MAN2B1: variants seen among roughly 807,000 people sequenced by gnomAD.
MAN2B1 encodes lysosomal alpha-mannosidase.
A neutral mutation model predicts 127.5 loss-of-function variants in MAN2B1; 99 were observed. That is an observed-to-expected ratio of 0.78 (90% CI 0.66 to 0.92). The LOEUF is 0.92. Among genes scored for constraint, MAN2B1 ranks in the 40% least tolerant of loss-of-function variants. MAN2B1 has a pLI of 0.00. For missense variants in MAN2B1, 1,304 were observed against 1,384.8 expected (o/e 0.94, Z 0.93); for synonymous variants, 573 against 568.8 (o/e 1.01, Z -0.11).
rs1329607881 is a variant in MAN2B1 at position 12,665,764 on chromosome 19, C to T, written c.201G>A (p.Leu67=). ...TVQPNMLNVH[L]LPHTHDDVGW... Reference sequence around the variant, plus strand: ...CCACGTCATCATGTGTGTGAGGCAGCAGGTGCACGTTCAGCATGTTCGGCT... The same window carrying T: ...CCACGTCATCATGTGTGTGAGGCAGTAGGTGCACGTTCAGCATGTTCGGCT... Residue 67 remains leucine (L), a synonymous_variant, in exon 2 of 24, where the codon CTG becomes CTA. Transcript: ENST00000456935. 2 of 1,614,016 alleles carry T rather than the reference C, an allele frequency of 1.2e-6. No homozygotes were observed. Among genetic ancestry groups the T allele is most frequent in the Non-Finnish European group, 1.7e-6 (2 of 1,180,046 alleles).
In MAN2B1 at chr19:12,647,139, G is replaced by T. The variant is rs2023706520; in HGVS notation, c.2923+94C>A. On this transcript the variant is annotated intron_variant, in intron 23 of 23. Coordinates refer to ENST00000456935, the MANE Select transcript of MAN2B1 (RefSeq NM_000528.4). The surrounding 1 kb of genome is among the most constrained non-coding windows in gnomAD (Gnocchi z 4.9). ...GCCCCATACCCTCATGACCTTTTTGGGTCCTGGCCAACATCCCATGCCTCA... is the reference window on the plus strand; with the variant it reads ...GCCCCATACCCTCATGACCTTTTTGTGTCCTGGCCAACATCCCATGCCTCA... The T allele has an allele frequency of 8.3e-7, 1 of 1,208,326 alleles. No individual in the cohort carries two copies. The highest frequency in any genetic ancestry group is 1.2e-6 in the Non-Finnish European group (1 of 814,860). 74.9% of individuals were successfully genotyped at this position (1,208,326 alleles called of 1,614,324 possible).
At chr19:12,665,216 A>C in intron 3 of MAN2B1, 136 bp downstream of exon 3, 1 of 1,198,792 alleles carries the variant, frequency 8.3e-7, no homozygotes, top group African/African-American at 1.5e-5. Flanking sequence ...GAGGTCTCCA[A>C]ATGGAGAGTC....
intron 20 of MAN2B1, among the ~76,000 whole-genome samples, chr19:12,648,749 C>CT (rs1353877805): frequency 1.3e-5 from 2 of 150,904 alleles, no homozygotes; most frequent in African/African-American, 5.0e-5. Flanking sequence ...AATCCCAGCA[C>CT]TTTGGGAGGC....
rs2023960289 is a variant in MAN2B1 at position 12,656,458 on chromosome 19, G to C, written c.1644+113C>G. Reference sequence around the variant, plus strand: ...GGAGAAGATACAAGAGGGGGGAAGAGATATGCATGAGTGGGAGGTATTCAT... The same window carrying C: ...GGAGAAGATACAAGAGGGGGGAAGACATATGCATGAGTGGGAGGTATTCAT... On this transcript the variant is annotated intron_variant, in intron 13 of 23. Coordinates refer to ENST00000456935, the MANE Select transcript of MAN2B1 (RefSeq NM_000528.4). 4 of 756,762 alleles carry C rather than the reference G, an allele frequency of 5.3e-6. No individual in the cohort carries two copies. In the South Asian group the frequency reaches 6.0e-5, roughly 11 times the overall value. 46.9% of individuals were successfully genotyped at this position (756,762 alleles called of 1,614,324 possible).
chr19:12,649,389 C>A lies in MAN2B1; in HGVS notation c.2307G>T (p.Glu769Asp). The stretch of plus-strand genomic sequence containing the variant: ...CTGGATAGTAGTTTCCTGCCACGGG[C>A]TCCGTCTGGTTCAGTTTCCAGGTGG... ...YRPTWKLNQT[E>D]PVAGNYYPVN... Residue 769 changes from glutamate to aspartate, a missense_variant, in exon 19 of 24, where the codon GAG becomes GAT. By Grantham distance (45) the Glu-to-Asp change is conservative. Coordinates refer to ENST00000456935, the MANE Select transcript of MAN2B1 (RefSeq NM_000528.4). 1 of 1,612,344 alleles carries A rather than the reference C, an allele frequency of 6.2e-7. No homozygotes were observed. Among genetic ancestry groups the A allele is most frequent in the Non-Finnish European group, 8.5e-7 (1 of 1,179,456 alleles).
chr19:12,663,236 G>C, intron 6 of MAN2B1, 81 bp downstream of exon 6: 1 of 1,523,620 alleles, frequency 6.6e-7, no homozygotes, highest in Non-Finnish European at 9.1e-7. Context: ...TAAGGAGAAC[G>C]TGTTAGGGGA....
At chr19:12,664,681 A>T in intron 4 of MAN2B1, 111 bp downstream of exon 4, 2 of 1,173,242 alleles carry the variant, frequency 1.7e-6, no homozygotes, top group South Asian at 1.3e-5. Flanking sequence ...CAACAGGCCT[A>T]GGCCTGGGCC....
rs1434923922 is a variant in MAN2B1, at chr19:12,647,584, G to T, written c.2679C>A (p.Arg893=). The part of the protein sequence containing the change: ...APPRTQFSGL[R]RDLPPSVHLL... ...GGTGCACCGAGGGCGGCAGGTCCCT[G>T]CGCAGCCCTGAGAACTGCGGGAGAG... Residue 893 remains arginine (R), a synonymous_variant, in exon 22 of 24, where the codon CGC becomes CGA. Coordinates refer to ENST00000456935, the MANE Select transcript of MAN2B1 (RefSeq NM_000528.4). The surrounding 1 kb of genome is among the most constrained non-coding windows in gnomAD (Gnocchi z 4.9). 3.7e-6 allele frequency: 6 copies of T among 1,613,636 alleles called. No homozygotes were observed. The highest frequency in any genetic ancestry group is 1.7e-4 in the Middle Eastern group (1 of 6,044).
rs778745390 is a variant in MAN2B1 at position 12,650,204 on chromosome 19, C to T, written c.2065G>A (p.Val689Met). The T allele has an allele frequency of 6.8e-6, 11 of 1,610,744 alleles. No individual in the cohort carries two copies. The Admixed American group carries it at 1.3e-4, about 20-fold the overall frequency. ...HLVKTPLVQE[V>M]HQNFSAWCSQ... ...CACCAAGCTGAGAAGTTCTGGTGCA[C>T]CTCCTGCACCAAGGGTGTCTGCGGG... is the stretch of plus-strand genomic sequence containing the variant. The change falls in exon 17 of 24, where the codon GTG (valine) becomes ATG (methionine). Residue 689 changes from valine (V) to methionine (M), a missense_variant. By Grantham distance (21) the Val-to-Met change is conservative. Transcript: ENST00000456935.
rs564971437 is a variant in MAN2B1 at position 12,661,178 on chromosome 19, A to C, written c.1026+82T>G. On this transcript the variant is annotated intron_variant, in intron 7 of 23. Coordinates refer to ENST00000456935, the MANE Select transcript of MAN2B1 (RefSeq NM_000528.4). ...TAGAACAATAGAAAACAAAGACAGCACTGAGAGCTATGCACATAACCCAAG... is the reference window on the plus strand; with the variant it reads ...TAGAACAATAGAAAACAAAGACAGCCCTGAGAGCTATGCACATAACCCAAG... 22 of 905,870 alleles carry C rather than the reference A, an allele frequency of 2.4e-5. No individual in the cohort carries two copies. In the Middle Eastern group the frequency reaches 9.3e-4, roughly 38 times the overall value. 56.1% of individuals were successfully genotyped at this position (905,870 alleles called of 1,614,324 possible).
chr19:12,665,708 T>C lies in MAN2B1; in HGVS notation c.257A>G (p.Tyr86Cys). The C allele has an allele frequency of 6.2e-7, 1 of 1,613,902 alleles. No individual in the cohort carries two copies. The highest frequency in any genetic ancestry group is 8.5e-7 in the Non-Finnish European group (1 of 1,179,824). The change falls in exon 2 of 24, where the codon TAT becomes TGT. Residue 86 changes from tyrosine to cysteine, a missense_variant. Tyr to Cys is a radical substitution (Grantham distance 194). Coordinates refer to ENST00000456935, the MANE Select transcript of MAN2B1 (RefSeq NM_000528.4). The stretch of plus-strand genomic sequence containing the variant: ...AGTCCCCATCCTCTACTCACTTCCA[T>C]AAAAGTACTGGTCCACGGTTTTGAG... ...GWLKTVDQYF[Y>C]GIKNDIQHAG...
Position 12,652,382 on chromosome 19 carries a change from C to G in MAN2B1, c.1909G>C (p.Val637Leu). Residue 637 changes from valine to leucine, a missense_variant, in exon 15 of 24, where the codon GTT becomes CTT. By Grantham distance (32) the Val-to-Leu change is conservative. Transcript: ENST00000456935. ...CCTTACCAGAAGAAGGTCTGGCGAACAGGCAGCAGGAGTTGCTGATTCATG... is the reference window on the plus strand; with the variant it reads ...CCTTACCAGAAGAAGGTCTGGCGAAGAGGCAGCAGGAGTTGCTGATTCATG... The part of the protein sequence containing the change: ...MNMNQQLLLP[V>L]RQTFFWYNAS... The G allele has an allele frequency of 6.2e-7, 1 of 1,614,070 alleles. No homozygotes were observed. Among genetic ancestry groups the G allele is most frequent in the Non-Finnish European group, 8.5e-7 (1 of 1,179,982 alleles).
intron 7 of MAN2B1, among the ~76,000 whole-genome samples, chr19:12,659,170 T>C (rs1179745296): frequency 6.6e-6 from 1 of 151,996 alleles, no homozygotes; most frequent in Non-Finnish European, 1.5e-5. Flanking sequence ...ACACAATTTT[T>C]ATAATGAATG....
At chr19:12,666,493 C>A in intron 1 of MAN2B1, 50 bp downstream of exon 1, 2 of 1,552,946 alleles carry the variant, frequency 1.3e-6, no homozygotes, top group Non-Finnish European at 1.7e-6. Flanking sequence ...AGACTGTATT[C>A]TGGGTTTCAC....
At chr19:12,650,042 G>A (rs763526229) in intron 17 of MAN2B1, 28 bp from the exon 18 acceptor site, 5 of 1,611,114 alleles carry the variant, frequency 3.1e-6, no homozygotes, top group South Asian at 2.2e-5. Context: ...GCAAGGTTGT[G>A]AGCCTTGGAT....
At chr19:12,654,941 C>T (rs1467521532) in intron 14 of MAN2B1, among the ~76,000 whole-genome samples, 1 of 152,174 alleles carries the variant, frequency 6.6e-6, no homozygotes, top group African/African-American at 2.4e-5. Context: ...GCTAGAATTA[C>T]AGGTATAATC....
intron 20 of MAN2B1, 90 bp downstream of exon 20, chr19:12,649,046 G>T: frequency 9.2e-7 from 1 of 1,089,216 alleles, no homozygotes; most frequent in Non-Finnish European, 1.4e-6. Context: ...GGGCCTGAAA[G>T]CAGAGAACTG....
chr19:12,659,006 G>T, intron 7 of MAN2B1: 1 of 200,060 alleles, frequency 5.0e-6, no homozygotes, highest in Non-Finnish European at 1.0e-5. Context: ...ACAGGTGCCC[G>T]CCACCACACC....
chr19:12,664,845 A>T lies in MAN2B1; in HGVS notation c.577T>A (p.Trp193Arg). 6.2e-7 allele frequency: 1 copy of T among 1,614,048 alleles called. No individual in the cohort carries two copies. The highest frequency in any genetic ancestry group is 8.5e-7 in the Non-Finnish European group (1 of 1,179,980). ...GAGTGGCCGAAGGGGTCAATGTGCC[A>T]GGCCACACGGGGTCGCCCATCATTG... ...FGNDGRPRVA[W>R]HIDPFGHSRE... Residue 193 changes from tryptophan (W) to arginine (R), a missense_variant, in exon 4 of 24, where the codon TGG (tryptophan) becomes AGG (arginine). By Grantham distance (101) the Trp-to-Arg change is moderately radical. Transcript: ENST00000456935.
Sources: allele counts gnomAD v4.1 joint callset (sites outside exome capture counted in the v4.1 genomes callset), GRCh38; gene constraint gnomAD v4.1.1; non-coding constraint Gnocchi (gnomAD v3.1); transcripts MANE v1.5; gene names NCBI Gene and HGNC (gene_info 2026-07-23, HGNC 2026-07-21).